Variants in PHF14 observed in about 807,000 individuals in gnomAD.
PHF14 encodes the protein PHD finger protein 14.
Under a neutral mutation model 117.9 loss-of-function variants are expected in PHF14, and 55 were observed. The observed-to-expected ratio is 0.47, with a 90% confidence interval of 0.38 to 0.58. The LOEUF (loss-of-function observed/expected upper bound fraction) is 0.58. Among genes scored for constraint, PHF14 ranks in the 20% least tolerant of loss-of-function variants. The pLI is 0.00. For missense variants in PHF14, 978 were observed against 1,122.2 expected (o/e 0.87, Z 1.84); for synonymous variants, 409 against 368.6 (o/e 1.11, Z -1.26).
chr7:11,067,405 A>G (rs1378980525), intron 16 of PHF14, among the ~76,000 whole-genome samples: 2 of 152,286 alleles, frequency 1.3e-5, no homozygotes, highest in African/African-American at 4.8e-5. Flanking sequence ...GGAAAACAGT[A>G]TTTTAATTCC....
chr7:11,013,244 C>G (rs1290658462), intron 4 of PHF14, among the ~76,000 whole-genome samples: 5 of 152,122 alleles, frequency 3.3e-5, no homozygotes, highest in African/African-American at 1.2e-4. Flanking sequence ...TCACTGCAAC[C>G]TTTGCCTCCA....
At chr7:11,107,475 T>G (rs1393005579) in intron 16 of PHF14, 2 of 827,846 alleles carry the variant, frequency 2.4e-6, no homozygotes, top group Non-Finnish European at 2.9e-6. Context: ...AAGAATCTAA[T>G]TAGGTTTGCT....
At chr7:11,006,759 T>C in intron 4 of PHF14, 1 of 727,234 alleles carries the variant, frequency 1.4e-6, no homozygotes, top group Non-Finnish European at 2.5e-6. Flanking sequence ...GCGGATCTTC[T>C]TTTTTGGTGG....
At chr7:11,155,403 A>G (rs1181343947) in intron 17 of PHF14, among the ~76,000 whole-genome samples, 1 of 152,208 alleles carries the variant, frequency 6.6e-6, no homozygotes, top group African/African-American at 2.4e-5. Flanking sequence ...GTGTAATGCT[A>G]GAACCAGAAA....
At chr7:11,046,011 C>T (rs779913792) in intron 13 of PHF14, among the ~76,000 whole-genome samples, 3 of 151,952 alleles carry the variant, frequency 2.0e-5, no homozygotes, top group Non-Finnish European at 1.5e-5. Flanking sequence ...TTAGGTTGGG[C>T]CAGGGATGTG....
chr7:11,066,128 T>G (rs987861145), intron 16 of PHF14, among the ~76,000 whole-genome samples: 1 of 152,236 alleles, frequency 6.6e-6, no homozygotes, highest in African/African-American at 2.4e-5. Context: ...GCACTTTTAT[T>G]TATTTTACAT....
intron 17 of PHF14, among the ~76,000 whole-genome samples, chr7:11,141,018 T>C (rs1305287387): frequency 1.3e-5 from 2 of 152,092 alleles, no homozygotes; most frequent in African/African-American, 4.8e-5. Flanking sequence ...CTGAGGAACA[T>C]AAGACAGACC....
At chr7:11,097,880 A>T (rs1786937043) in intron 16 of PHF14, among the ~76,000 whole-genome samples, 1 of 152,166 alleles carries the variant, frequency 6.6e-6, no homozygotes, top group Non-Finnish European at 1.5e-5. Flanking sequence ...CAAACAGCCC[A>T]TGGTGGGAAA....
In PHF14 at chr7:11,155,475, G is replaced by T. The variant is rs116194975; in HGVS notation, c.2773-13941G>T. ...ACTTTGCTCTTTCTCACTGGGCTTT[G>T]GCTGACTTACCCTTCCCACTGTTCC... On this transcript the variant is annotated intron_variant, in intron 17 of 17. Transcript: ENST00000634607. Among the ~76,000 whole-genome samples the T allele has an allele frequency of 2.9e-3, 435 of 152,222 alleles. 3 individuals are homozygous for T. Among genetic ancestry groups the T allele is most frequent in the African/African-American group, 9.9e-3 (411 of 41,540 alleles).
intron 17 of PHF14, among the ~76,000 whole-genome samples, chr7:11,154,996 G>A (rs1326532672): frequency 1.3e-5 from 2 of 152,014 alleles, no homozygotes; most frequent in African/African-American, 4.8e-5. Context: ...TTTTGAAGAG[G>A]ATCCTTACTA....
intron 17 of PHF14, among the ~76,000 whole-genome samples, chr7:11,147,928 T>C (rs1462439594): frequency 6.6e-6 from 1 of 152,216 alleles, no homozygotes; most frequent in Non-Finnish European, 1.5e-5. Flanking sequence ...AATAGAATTA[T>C]TGGTTTCTTG....
intron 16 of PHF14, among the ~76,000 whole-genome samples, chr7:11,083,696 C>T (rs1160141587): frequency 2.0e-5 from 3 of 151,954 alleles, no homozygotes; most frequent in South Asian, 2.1e-4. Flanking sequence ...CTCCTGACCT[C>T]GTGACCCACC....
chr7:11,093,283 G>A (rs889746331), intron 16 of PHF14, among the ~76,000 whole-genome samples: 1 of 152,052 alleles, frequency 6.6e-6, no homozygotes, highest in Admixed American at 6.6e-5. Flanking sequence ...CATTTTATGT[G>A]CCTCATAACT....
At chr7:11,069,830 A>G (rs1785551437) in intron 16 of PHF14, among the ~76,000 whole-genome samples, 1 of 151,364 alleles carries the variant, frequency 6.6e-6, no homozygotes, top group Admixed American at 6.6e-5. Context: ...CCACACCACC[A>G]TGCCCAGCTG....
At chr7:11,008,918 C>T (rs1783235481) in intron 4 of PHF14, among the ~76,000 whole-genome samples, 1 of 151,338 alleles carries the variant, frequency 6.6e-6, no homozygotes, top group Non-Finnish European at 1.5e-5. Context: ...CGCCTGTAGT[C>T]CCAGCTACTC....
At chr7:11,136,582 T>C (rs1026034087) in intron 17 of PHF14, among the ~76,000 whole-genome samples, 4 of 152,350 alleles carry the variant, frequency 2.6e-5, no homozygotes, top group African/African-American at 9.6e-5. Context: ...AGGTTGAGCA[T>C]GTCTTTTGCC....
At chr7:11,024,360 G>A (rs796521059) in intron 6 of PHF14, among the ~76,000 whole-genome samples, 7 of 152,320 alleles carry the variant, frequency 4.6e-5, no homozygotes, top group African/African-American at 1.7e-4. Flanking sequence ...AAGTTATTCA[G>A]AAGATTTAGC....
At chr7:11,003,416 C>A (rs999686818) in intron 4 of PHF14, among the ~76,000 whole-genome samples, 2 of 152,044 alleles carry the variant, frequency 1.3e-5, no homozygotes, top group African/African-American at 4.8e-5. Context: ...GGTGTTAAGC[C>A]AGTGTTTACC....
intron 4 of PHF14, among the ~76,000 whole-genome samples, chr7:11,004,512 C>A (rs1377822640): frequency 6.6e-6 from 1 of 151,866 alleles, no homozygotes; most frequent in Non-Finnish European, 1.5e-5. Flanking sequence ...ATGAGTTGCA[C>A]TTGTGTTATA....
Sources: allele counts gnomAD v4.1 joint callset (sites outside exome capture counted in the v4.1 genomes callset), GRCh38; gene constraint gnomAD v4.1.1; transcripts MANE v1.5; gene names NCBI Gene and HGNC (gene_info 2026-07-23, HGNC 2026-07-21).